ACRV1: variants seen among roughly 807,000 people sequenced by gnomAD.
ACRV1 encodes the protein acrosomal vesicle protein 1.
In ACRV1, 17 loss-of-function variants were observed where a neutral mutation model predicts 29.2. That is an observed-to-expected ratio of 0.58 (90% confidence interval 0.40 to 0.87). The LOEUF (loss-of-function observed/expected upper bound fraction) is 0.87. Among genes scored for constraint, ACRV1 ranks in the 40% least tolerant of loss-of-function variants. The pLI is 0.00. For missense variants in ACRV1, 294 were observed against 316.0 expected, an observed-to-expected ratio of 0.93 and a Z score of 0.53; for synonymous variants, 98 against 111.6, an observed-to-expected ratio of 0.88 and a Z score of 0.77.
chr11:125,673,236 G>A (rs1159711869), intron 3 of ACRV1, among the ~76,000 whole-genome samples: 48 of 143,808 alleles, frequency 3.3e-4, no homozygotes, highest in African/African-American at 1.1e-3. Context: ...AGACAATCTC[G>A]CTCTGTTGCC....
Position 125,672,697 on chromosome 11 carries a change from C to T in ACRV1, c.694G>A (p.Val232Ile), listed in dbSNP as rs766927022. 2 of 1,614,116 alleles carry T rather than the reference C, an allele frequency of 1.2e-6. No homozygotes were observed. The highest frequency in any genetic ancestry group is 2.2e-5 in the East Asian group (1 of 44,874). Reference protein sequence around the residue: ...IFEGGKLQFMVQGCENMCPSM... With the variant: ...IFEGGKLQFMIQGCENMCPSM... ...GGGCACATGTTCTCACACCCTTGAA[C>T]CATGAATTGGAGTTTTCCACCTGAA... is the stretch of plus-strand genomic sequence containing the variant. Residue 232 changes from valine to isoleucine, a missense_variant, in exon 4 of 4, where the codon GTT becomes ATT. Transcript: ENST00000533904.
chr11:125,676,282 G>A (rs1219618745), intron 3 of ACRV1, 77 bp downstream of exon 3: 1 of 1,544,936 alleles, frequency 6.5e-7, no homozygotes, highest in African/African-American at 1.4e-5. Flanking sequence ...CTGGGCCCCT[G>A]TCATTCCAAC....
chr11:125,676,567 G>T (rs1942521042), intron 2 of ACRV1, 89 bp from the exon 3 acceptor site: 2 of 1,488,550 alleles, frequency 1.3e-6, no homozygotes, highest in Non-Finnish European at 1.9e-6. Context: ...TGGGCAATAG[G>T]TAGCATGGAT....
chr11:125,675,856 C>T (rs750475264), intron 3 of ACRV1: 9 of 154,526 alleles, frequency 5.8e-5, no homozygotes, highest in African/African-American at 1.9e-4. Context: ...GGGCATCTAT[C>T]TCTTCATCAG....
Position 125,676,573 on chromosome 11 carries a change from T to C in ACRV1, c.554-95A>G, listed in dbSNP as rs1274038866. 1.9e-5 allele frequency: 27 copies of C among 1,444,336 alleles called. No homozygotes were observed. The Admixed American group carries it at 4.7e-4, about 25-fold the overall frequency. 89.5% of individuals were successfully genotyped at this position (1,444,336 alleles called of 1,614,324 possible). A position where few individuals can be genotyped will look rare whatever the true frequency, so the allele number is the denominator to read the frequency against. ...GAGGGGTAATGGGCAATAGGTAGCA[T>C]GGATACTACACATTTATTTCTTAGT... On this transcript the variant is annotated intron_variant, in intron 2 of 3. Coordinates refer to ENST00000533904, the MANE Select transcript of ACRV1 (RefSeq NM_001612.6).
At position 125,680,721 on chromosome 11, in the gene ACRV1, A is replaced by G; in HGVS notation, c.52+8T>C. 1 of 1,612,780 alleles carries G rather than the reference A, an allele frequency of 6.2e-7. No individual in the cohort carries two copies. The highest frequency in any genetic ancestry group is 8.5e-7 in the Non-Finnish European group (1 of 1,178,914). On this transcript the variant is annotated splice_region_variant and intron_variant, in intron 1 of 3. Transcript: ENST00000533904. The stretch of plus-strand genomic sequence containing the variant: ...TGTATTTACCTGAAGCCTAGATCAA[A>G]CACTCACCTCTGGCAGATCCAAGCA...
At chr11:125,675,289 ACT>A (rs1224902120) in intron 3 of ACRV1, among the ~76,000 whole-genome samples, 3 of 151,232 alleles carry the variant, frequency 2.0e-5, no homozygotes, top group African/African-American at 4.9e-5. Flanking sequence ...CTTTCCCTGA[ACT>A]CTCTGCACTT....
intron 1 of ACRV1, among the ~76,000 whole-genome samples, chr11:125,678,978 T>TTTTATATATATATATATATATA: frequency 1.1e-5 from 1 of 88,444 alleles, no homozygotes; most frequent in East Asian, 3.0e-4. Context: ...TCTAGGCATA[T>TTTTATATATATATATATATATA]TATATATATA....
intron 2 of ACRV1, 32 bp downstream of exon 2, chr11:125,677,765 C>G (rs7949943): frequency 0.15 from 243,062 of 1,607,132 alleles, 18,736 homozygotes; most frequent in East Asian, 0.18. Flanking sequence ...CACCTGAAGT[C>G]AATGACTGGC....
chr11:125,677,030 A>G (rs1370279478), intron 2 of ACRV1, among the ~76,000 whole-genome samples: 29 of 152,182 alleles, frequency 1.9e-4, no homozygotes, highest in Admixed American at 1.8e-3. Context: ...CTCTACTGCT[A>G]ATCCCCCAGT....
chr11:125,672,556 T>C lies in ACRV1; in HGVS notation c.*37A>G, dbSNP rs1441964577. 2.5e-6 allele frequency: 4 copies of C among 1,610,550 alleles called. No homozygotes were observed. Among genetic ancestry groups the C allele is most frequent in the Non-Finnish European group, 3.4e-6 (4 of 1,179,080 alleles). On this transcript the variant is annotated 3_prime_UTR_variant, in exon 4 of 4. Coordinates refer to ENST00000533904, the MANE Select transcript of ACRV1 (RefSeq NM_001612.6). ...AGCCAAATAGAGTGATGGAGGCTTT[T>C]TACTGCCTGAGTCAAAACAAGCAAG...
chr11:125,678,413 A>G, intron 1 of ACRV1, 116 bp from the exon 2 acceptor site: 1 of 1,253,544 alleles, frequency 8.0e-7, no homozygotes, highest in Non-Finnish European at 1.1e-6. Context: ...ATGGGCCTAG[A>G]TTGGGCACCT....
chr11:125,677,830 C>T lies in ACRV1; in HGVS notation c.520G>A (p.Ala174Thr). 1 of 1,614,142 alleles carries T rather than the reference C, an allele frequency of 6.2e-7. No homozygotes were observed. The highest frequency in any genetic ancestry group is 1.3e-5 in the African/African-American group (1 of 75,040). The part of the protein sequence containing the change: ...PSGEHASGEQ[A>T]SGAPISSTST... ...GTGCTTGAAATTGGTGCACCTGAAG[C>T]CTGTTCCCCTGAAGCGTGCTCACCT... Residue 174 changes from alanine to threonine, a missense_variant, in exon 2 of 4, where the codon GCT (alanine) becomes ACT (threonine). By Grantham distance (58) the Ala-to-Thr change is moderately conservative. Transcript: ENST00000533904.
intron 3 of ACRV1, 76 bp downstream of exon 3, chr11:125,676,283 T>C (rs1942503198): frequency 1.3e-6 from 2 of 1,546,800 alleles, no homozygotes; most frequent in African/African-American, 1.4e-5. Context: ...TGGGCCCCTG[T>C]CATTCCAACT....
At position 125,678,071 on chromosome 11, in the gene ACRV1, A is replaced by T. The variant is rs1942612316; in HGVS notation, c.279T>A (p.His93Gln). The T allele has an allele frequency of 1.2e-6, 2 of 1,614,198 alleles. No individual in the cohort carries two copies. The highest frequency in any genetic ancestry group is 2.7e-5 in the African/African-American group (2 of 75,060). The change falls in exon 2 of 4, where the codon CAT becomes CAA. Residue 93 changes from histidine (H) to glutamine (Q), a missense_variant. Coordinates refer to ENST00000533904, the MANE Select transcript of ACRV1 (RefSeq NM_001612.6). Reference protein sequence around the residue: ...HTSGEHAESEHASGEPAATEH... With the variant: ...HTSGEHAESEQASGEPAATEH... ...CAGTCGCAGCGGGCTCACCTGAAGC[A>T]TGCTCACTCTCAGCATGTTCTCCAG...
At chr11:125,677,345 A>C (rs553610958) in intron 2 of ACRV1, among the ~76,000 whole-genome samples, 30 of 152,308 alleles carry the variant, frequency 2.0e-4, no homozygotes, top group Non-Finnish European at 3.7e-4. Context: ...ATAGCTTTAC[A>C]TTCCATGTTC....
chr11:125,675,927 G>A (rs1219057422), intron 3 of ACRV1: 1 of 155,150 alleles, frequency 6.4e-6, no homozygotes, highest in East Asian at 1.9e-4. Flanking sequence ...ATTTTTTTTA[G>A]ATGGAGTTTC....
chr11:125,680,621 C>T, intron 1 of ACRV1, 108 bp downstream of exon 1: 5 of 986,586 alleles, frequency 5.1e-6, no homozygotes, highest in Non-Finnish European at 7.7e-6. Context: ...TTGATTCTGA[C>T]TCAGATTGGT....
rs1942586334 is a variant in ACRV1, at chr11:125,677,817, G to A, written c.533C>T (p.Pro178Leu). Residue 178 changes from proline (P) to leucine (L), a missense_variant, in exon 2 of 4, where the codon CCA (proline) becomes CTA (leucine). Transcript: ENST00000533904. ...HASGEQASGAPISSTSTGTIL... is the reference protein window; with the variant it reads ...HASGEQASGALISSTSTGTIL... ...CTCACCTGTAGATGTGCTTGAAATT[G>A]GTGCACCTGAAGCCTGTTCCCCTGA... is the stretch of plus-strand genomic sequence containing the variant. 1.2e-6 allele frequency: 2 copies of A among 1,614,150 alleles called. No homozygotes were observed. Among genetic ancestry groups the A allele is most frequent in the Non-Finnish European group, 1.7e-6 (2 of 1,180,020 alleles).
Sources: gnomAD v4.1 joint callset for allele counts (sites outside exome capture counted in the v4.1 genomes callset) on GRCh38, gnomAD v4.1.1 for gene constraint, MANE v1.5 for transcripts, NCBI Gene and HGNC (gene_info 2026-07-23, HGNC 2026-07-21) for gene names.